TENM3: variants seen among roughly 807,000 people sequenced by gnomAD.
TENM3 encodes the protein teneurin-3.
Under a neutral mutation model 255.1 loss-of-function variants are expected in TENM3, and 63 were observed. That is an observed-to-expected ratio of 0.25 (90% CI 0.20 to 0.30). The LOEUF (loss-of-function observed/expected upper bound fraction) is 0.30, where lower values mean the gene tolerates loss of function less well. TENM3 is among the 10% of genes least tolerant of loss of function. TENM3 has a pLI of 1.00. For synonymous variants in TENM3, 1,306 were observed against 1,322.3 expected (o/e 0.99, Z 0.27); for missense variants, 2,929 against 3,461.1 (o/e 0.85, Z 3.86).
chr4:181,703,310 C>T, the TENM3 span, among the ~76,000 whole-genome samples: 1 of 152,164 alleles, frequency 6.6e-6, no homozygotes, highest in Non-Finnish European at 1.5e-5. Context: ...TGTTAGAGAG[C>T]CTTCTATTCT....
chr4:182,186,710 A>G (rs1352454372), intron 1 of TENM3, among the ~76,000 whole-genome samples: 1 of 134,870 alleles, frequency 7.4e-6, no homozygotes, highest in Non-Finnish European at 1.6e-5. Flanking sequence ...ATTTTTAAAA[A>G]CTTCTGTTTA....
In TENM3 at chr4:182,323,205, G is replaced by A. The variant is rs577225050; in HGVS notation, c.-75-741G>A. 3.9e-5 allele frequency among the ~76,000 whole-genome samples: 6 copies of A among 152,070 alleles called. No individual in the cohort carries two copies. The East Asian group carries it at 9.7e-4, about 24-fold the overall frequency. ...GCAACACCATTTGCCTCGCTTATTC[G>A]TGCAGTTGCAGGAAACTCCCCCCAT... is the stretch of plus-strand genomic sequence containing the variant. On this transcript the variant is annotated intron_variant, in intron 1 of 27. Transcript: ENST00000511685.
At chr4:181,963,306 C>A in the TENM3 span, among the ~76,000 whole-genome samples, 6 of 152,136 alleles carry the variant, frequency 3.9e-5, no homozygotes, top group African/African-American at 4.8e-5. Context: ...TATAAAGAAG[C>A]TTCCAATTGC....
chr4:181,995,390 A>G, the TENM3 span, among the ~76,000 whole-genome samples: 1 of 152,220 alleles, frequency 6.6e-6, no homozygotes, highest in East Asian at 1.9e-4. Flanking sequence ...CAATTGTTCA[A>G]TAACAATGGG....
chr4:181,918,426 T>C, the TENM3 span, among the ~76,000 whole-genome samples: 2 of 152,196 alleles, frequency 1.3e-5, no homozygotes, highest in Non-Finnish European at 1.5e-5. Context: ...TAAATTAACT[T>C]CTTCATTATC....
chr4:181,760,208 A>T, the TENM3 span, among the ~76,000 whole-genome samples: 4 of 152,162 alleles, frequency 2.6e-5, no homozygotes, highest in Non-Finnish European at 4.4e-5. Context: ...TCCAAAAAAA[A>T]AATCTCCACA....
At chr4:181,999,174 C>T in the TENM3 span, among the ~76,000 whole-genome samples, 1 of 152,102 alleles carries the variant, frequency 6.6e-6, no homozygotes, top group African/African-American at 2.4e-5. Context: ...CCTTCTGTTA[C>T]AGGATATGCT....
At chr4:182,608,353 G>A (rs770568087) in intron 4 of TENM3, among the ~76,000 whole-genome samples, 14 of 152,032 alleles carry the variant, frequency 9.2e-5, no homozygotes, top group East Asian at 3.9e-4. Context: ...TCCCATCTCT[G>A]GTTCAAGCAA....
the TENM3 span, among the ~76,000 whole-genome samples, chr4:181,750,468 G>A: frequency 2.0e-5 from 3 of 152,094 alleles, no homozygotes; most frequent in Non-Finnish European, 2.9e-5. Context: ...CTGTTTAGCT[G>A]AACTAGGCAG....
At chr4:182,540,361 G>A (rs1488715286) in intron 3 of TENM3, among the ~76,000 whole-genome samples, 2 of 152,088 alleles carry the variant, frequency 1.3e-5, no homozygotes, top group African/African-American at 2.4e-5. Context: ...AGGCCGAGGC[G>A]GGCGGATCAC....
chr4:182,535,185 CAG>C (rs1209991731), intron 3 of TENM3, among the ~76,000 whole-genome samples: 2 of 152,188 alleles, frequency 1.3e-5, no homozygotes, highest in Non-Finnish European at 2.9e-5. Flanking sequence ...GGAAATCCTG[CAG>C]AGTTTCAAAT....
chr4:182,198,964 G>A (rs545999067), intron 1 of TENM3, among the ~76,000 whole-genome samples: 128 of 152,104 alleles, frequency 8.4e-4, no homozygotes, highest in Non-Finnish European at 1.3e-3. Context: ...GAAAGAAGAA[G>A]TAGGCCCTTG....
chr4:181,838,787 T>C, the TENM3 span, among the ~76,000 whole-genome samples: 1 of 152,014 alleles, frequency 6.6e-6, no homozygotes, highest in Non-Finnish European at 1.5e-5. Context: ...TCCTGAAAAA[T>C]TGCTAGGAGT....
intron 2 of TENM3, among the ~76,000 whole-genome samples, chr4:182,334,730 C>A (rs1378290139): frequency 1.3e-5 from 2 of 152,198 alleles, no homozygotes; most frequent in East Asian, 1.9e-4. Context: ...GCTGGCACAA[C>A]TGGTTATCCA....
chr4:182,544,323 ATT>A (rs35639483), intron 3 of TENM3, among the ~76,000 whole-genome samples: 10,094 of 68,036 alleles, frequency 0.15, 225 homozygotes, highest in African/African-American at 0.24. Flanking sequence ...AGCATTGTGG[ATT>A]TTTTTTTTTT....
intron 3 of TENM3, among the ~76,000 whole-genome samples, chr4:182,596,007 G>C (rs1655278239): frequency 1.3e-5 from 2 of 151,996 alleles, no homozygotes; most frequent in African/African-American, 4.8e-5. Flanking sequence ...TCTTTGGGGT[G>C]AGTGGCATGG....
At chr4:181,848,775 A>G in the TENM3 span, among the ~76,000 whole-genome samples, 1 of 152,224 alleles carries the variant, frequency 6.6e-6, no homozygotes, top group African/African-American at 2.4e-5. Flanking sequence ...ACAATGGAAT[A>G]AAAGTGATGT....
At chr4:182,397,984 TTC>T (rs1173967074) in intron 3 of TENM3, among the ~76,000 whole-genome samples, 2 of 152,178 alleles carry the variant, frequency 1.3e-5, no homozygotes, top group Admixed American at 1.3e-4. Context: ...CAGGCTTTAG[TTC>T]TCTGTTTCGG....
chr4:182,310,733 G>T (rs28656967), intron 1 of TENM3, among the ~76,000 whole-genome samples: 11,411 of 151,856 alleles, frequency 0.075, 507 homozygotes, highest in East Asian at 0.13. Flanking sequence ...TTGAGACAGA[G>T]TCTCACTCTG....
Sources: gnomAD v4.1 joint callset for allele counts (sites outside exome capture counted in the v4.1 genomes callset) on GRCh38, gnomAD v4.1.1 for gene constraint, MANE v1.5 for transcripts, NCBI Gene and HGNC (gene_info 2026-07-23, HGNC 2026-07-21) for gene names.